The following RXFP1 variants were observed in gnomAD, a reference collection of about 807,000 sequenced individuals.
RXFP1 encodes the protein relaxin family peptide receptor 1, also known as relaxin receptor 1.
A neutral mutation model predicts 89.8 loss-of-function variants in RXFP1; 73 were observed. That is an observed-to-expected ratio of 0.81 (90% CI 0.67 to 0.99). The LOEUF is 0.99. Ranked by LOEUF, RXFP1 falls within the 50% of genes least tolerant of loss-of-function variation. The pLI is 0.00. For missense variants in RXFP1, 793 were observed against 895.5 expected, an observed-to-expected ratio of 0.89 and a Z score of 1.46; for synonymous variants, 277 against 305.5, an observed-to-expected ratio of 0.91 and a Z score of 0.97.
intron 1 of RXFP1, among the ~76,000 whole-genome samples, chr4:158,534,791 A>G (rs1280166009): frequency 2.0e-5 from 3 of 151,202 alleles, no homozygotes; most frequent in Non-Finnish European, 4.4e-5. Context: ...TCTGATTCCC[A>G]AGCCTGAGTT....
intron 16 of RXFP1, 27 bp from the exon 17 acceptor site, chr4:158,648,472 T>G (rs747479604): frequency 1.6e-5 from 21 of 1,333,090 alleles, no homozygotes; most frequent in Non-Finnish European, 2.1e-5. Flanking sequence ...TTCTATGCAT[T>G]AATAATACTG....
chr4:158,523,653 A>C (rs1053606496), intron 1 of RXFP1, among the ~76,000 whole-genome samples: 2 of 152,192 alleles, frequency 1.3e-5, no homozygotes, highest in Admixed American at 1.3e-4. Context: ...AAACATTTGC[A>C]GCAAAGTTTG....
chr4:158,622,706 A>G (rs1765851690), intron 9 of RXFP1, among the ~76,000 whole-genome samples: 1 of 152,190 alleles, frequency 6.6e-6, no homozygotes, highest in South Asian at 2.1e-4. Context: ...GCTATGGGTC[A>G]TGGCAGGGGG....
Position 158,618,812 on chromosome 4 carries a change from G to A in RXFP1, c.755+1607G>A, listed in dbSNP as rs151017265. On this transcript the variant is annotated intron_variant, in intron 9 of 17. Coordinates refer to ENST00000307765, the MANE Select transcript of RXFP1 (RefSeq NM_021634.4). ...TGAAACCTATATTAGTTCTTGCAAA[G>A]CAATGAGAAACTGTAAATGCCACAA... Among the ~76,000 whole-genome samples, 11 of 152,054 alleles carry A rather than the reference G, an allele frequency of 7.2e-5. No homozygotes were observed. The East Asian group carries it at 1.9e-3, about 27-fold the overall frequency.
At position 158,643,780 on chromosome 4, in the gene RXFP1, G is replaced by C. The variant is rs867101869; in HGVS notation, c.1116-1129G>C. On this transcript the variant is annotated intron_variant, in intron 14 of 17. Coordinates refer to ENST00000307765, the MANE Select transcript of RXFP1 (RefSeq NM_021634.4). ...GCCACTGCTCCCAGCCCACATGCTA[G>C]TTCTATTTGTAGTTTTCTGAGGAAC... 1.3e-4 allele frequency among the ~76,000 whole-genome samples: 19 copies of C among 151,670 alleles called. 1 individual carries two copies. Among genetic ancestry groups the C allele is most frequent in the African/African-American group, 4.6e-4 (19 of 41,298 alleles).
chr4:158,527,608 C>A (rs1742925699), intron 1 of RXFP1, among the ~76,000 whole-genome samples: 2 of 144,172 alleles, frequency 1.4e-5, no homozygotes, highest in Admixed American at 1.4e-4. Flanking sequence ...TCCTACTAAT[C>A]TTTTCCCTTG....
chr4:158,528,627 C>A (rs575841021), intron 1 of RXFP1, among the ~76,000 whole-genome samples: 1 of 152,350 alleles, frequency 6.6e-6, no homozygotes, highest in African/African-American at 2.4e-5. Context: ...TCTAAAGATG[C>A]AGCCCTTTTC....
At position 158,599,336 on chromosome 4, in the gene RXFP1, T is replaced by C; in HGVS notation, c.297T>C (p.Ser99=). The C allele has an allele frequency of 1.2e-6, 2 of 1,614,018 alleles. No homozygotes were observed. Among genetic ancestry groups the C allele is most frequent in the Non-Finnish European group, 1.7e-6 (2 of 1,179,954 alleles). The change falls in exon 4 of 18, where the codon TCT becomes TCC. Residue 99 remains serine (S), a synonymous_variant. Coordinates refer to ENST00000307765, the MANE Select transcript of RXFP1 (RefSeq NM_021634.4). Reference sequence around the variant, plus strand: ...TTCCCCTTGATTCAGTGGTCGGTTCTGTGCCAGTGCAATGTCTTTGCCAAG... The same window carrying C: ...TTCCCCTTGATTCAGTGGTCGGTTCCGTGCCAGTGCAATGTCTTTGCCAAG... ...EAETPECLVG[S]VPVQCLCQGL...
At chr4:158,601,074 G>A (rs1267491985) in intron 4 of RXFP1, among the ~76,000 whole-genome samples, 4 of 151,926 alleles carry the variant, frequency 2.6e-5, no homozygotes, top group Non-Finnish European at 5.9e-5. Context: ...TGGCTAACTA[G>A]AGAGGGCATG....
At chr4:158,644,672 A>G (rs766684501) in intron 14 of RXFP1, among the ~76,000 whole-genome samples, 2 of 152,112 alleles carry the variant, frequency 1.3e-5, no homozygotes, top group Non-Finnish European at 2.9e-5. Context: ...CATGTCTAAC[A>G]CTTGTTATGT....
chr4:158,615,862 G>A (rs2150143870), intron 8 of RXFP1, among the ~76,000 whole-genome samples: 1 of 152,182 alleles, frequency 6.6e-6, no homozygotes, highest in Middle Eastern at 3.4e-3. Flanking sequence ...TGAGACAGGA[G>A]AATCACCTGA....
intron 2 of RXFP1, among the ~76,000 whole-genome samples, chr4:158,592,331 T>TG (rs1053897079): frequency 4.6e-5 from 7 of 152,200 alleles, no homozygotes; most frequent in African/African-American, 1.4e-4. Flanking sequence ...CCCAGCACTC[T>TG]GGGGGGCCGA....
At chr4:158,647,230 A>AG (rs764527556) in intron 16 of RXFP1, 29 bp downstream of exon 16, 5 of 1,516,798 alleles carry the variant, frequency 3.3e-6, no homozygotes, top group Middle Eastern at 1.8e-4. Context: ...AATGTTCACA[A>AG]ATTTTTATTT....
chr4:158,557,388 A>G (rs1013211344), intron 1 of RXFP1, among the ~76,000 whole-genome samples: 12 of 152,078 alleles, frequency 7.9e-5, no homozygotes, highest in African/African-American at 2.9e-4. Context: ...TTAAAGTATC[A>G]GTTTGTTTGT....
At chr4:158,525,998 T>C (rs1742414771) in intron 1 of RXFP1, among the ~76,000 whole-genome samples, 1 of 152,264 alleles carries the variant, frequency 6.6e-6, no homozygotes, top group Middle Eastern at 3.2e-3. Context: ...GTTAGATCTT[T>C]CTCTATTTTA....
chr4:158,546,527 C>G (rs1379549580), intron 1 of RXFP1, among the ~76,000 whole-genome samples: 1 of 152,114 alleles, frequency 6.6e-6, no homozygotes, highest in South Asian at 2.1e-4. Context: ...CTGTCTTGTG[C>G]CAGTTTTCAA....
intron 9 of RXFP1, among the ~76,000 whole-genome samples, chr4:158,619,310 C>T (rs1190534702): frequency 6.6e-6 from 1 of 152,092 alleles, no homozygotes; most frequent in Non-Finnish European, 1.5e-5. Flanking sequence ...TTGTAATCTA[C>T]AAAGTCATAA....
intron 14 of RXFP1, among the ~76,000 whole-genome samples, chr4:158,641,457 A>C (rs1454162321): frequency 6.6e-6 from 1 of 152,230 alleles, no homozygotes; most frequent in Admixed American, 6.5e-5. Context: ...AGTGCTGGGC[A>C]GCCAAAGCGG....
intron 1 of RXFP1, among the ~76,000 whole-genome samples, chr4:158,540,175 A>T (rs1347510103): frequency 6.6e-6 from 1 of 152,180 alleles, no homozygotes; most frequent in Non-Finnish European, 1.5e-5. Flanking sequence ...CAAGTTTATT[A>T]AGAAAGCAAA....
Sources: gnomAD v4.1 joint callset for allele counts (sites outside exome capture counted in the v4.1 genomes callset) on GRCh38, gnomAD v4.1.1 for gene constraint, MANE v1.5 for transcripts, NCBI Gene and HGNC (gene_info 2026-07-23, HGNC 2026-07-21) for gene names.